The following BMPER variants were observed in gnomAD, a reference collection of about 807,000 sequenced individuals.
BMPER encodes the protein BMP binding endothelial regulator.
BMPER carries 45 observed loss-of-function variants against 87.3 expected under a neutral mutation model. The observed-to-expected ratio is 0.52, with a 90% confidence interval of 0.41 to 0.66. The LOEUF (loss-of-function observed/expected upper bound fraction) is 0.66. Ranked by LOEUF, BMPER falls within the 30% of genes least tolerant of loss-of-function variation. The pLI is 0.00. For missense variants in BMPER, 784 were observed against 867.5 expected (o/e 0.90, Z 1.21); for synonymous variants, 326 against 316.2 (o/e 1.03, Z -0.33).
At chr7:33,909,680 C>CA (rs60327948) in intron 2 of BMPER, among the ~76,000 whole-genome samples, 1,280 of 53,456 alleles carry the variant, frequency 0.024, 14 homozygotes, top group African/African-American at 0.051. Flanking sequence ...ATAACATGTA[C>CA]AAAAAAAAAA....
chr7:34,051,765 T>A (rs1354634813), intron 7 of BMPER, 96 bp from the exon 8 acceptor site: 9 of 1,086,382 alleles, frequency 8.3e-6, no homozygotes, highest in Non-Finnish European at 1.1e-5. Context: ...CGTGGTCTTA[T>A]AAGAATGTAT....
At chr7:34,016,374 A>G (rs1337063776) in intron 6 of BMPER, among the ~76,000 whole-genome samples, 2 of 151,936 alleles carry the variant, frequency 1.3e-5, no homozygotes, top group African/African-American at 4.8e-5. Flanking sequence ...AAATGTTCAA[A>G]TCTACCTGTG....
At chr7:33,974,582 G>A (rs952131492) in intron 5 of BMPER, 120 bp from the exon 6 acceptor site, 1 of 991,450 alleles carries the variant, frequency 1.0e-6, no homozygotes, top group Non-Finnish European at 1.6e-6. Context: ...TTGTCCACTG[G>A]TTGAAGAGGA....
At chr7:34,084,562 A>C (rs190799472) in intron 12 of BMPER, among the ~76,000 whole-genome samples, 2 of 152,350 alleles carry the variant, frequency 1.3e-5, no homozygotes, top group Admixed American at 1.3e-4. Flanking sequence ...ACAGTAAGAA[A>C]ACACACATTT....
rs376759426 is a variant in BMPER at position 34,124,533 on chromosome 7, T to C, written c.1746-18697T>C. Among the ~76,000 whole-genome samples the C allele has an allele frequency of 7.2e-5, 11 of 152,198 alleles. No individual in the cohort carries two copies. The South Asian group carries it at 1.2e-3, about 17-fold the overall frequency. ...GTTTAATGTCTTAAGCAGTTATTGATGGCATATAGGAAAACTGTTTTTATA... is the reference window on the plus strand; with the variant it reads ...GTTTAATGTCTTAAGCAGTTATTGACGGCATATAGGAAAACTGTTTTTATA... On this transcript the variant is annotated intron_variant, in intron 13 of 14. Transcript: ENST00000649409.
In BMPER at chr7:33,905,575, G is replaced by A; in HGVS notation, c.-39G>A. On this transcript the variant is annotated 5_prime_UTR_variant, in exon 1 of 15. Transcript: ENST00000649409. Reference sequence around the variant, plus strand: ...GCGGCAGCTGAGCAGAGGCGGCGGCGCGGGACCTGCAGTCGCCAGGGATTC... The same window carrying A: ...GCGGCAGCTGAGCAGAGGCGGCGGCACGGGACCTGCAGTCGCCAGGGATTC... 2 of 1,606,140 alleles carry A rather than the reference G, an allele frequency of 1.2e-6. No individual in the cohort carries two copies. The highest frequency in any genetic ancestry group is 1.7e-6 in the Non-Finnish European group (2 of 1,179,280).
rs755836457 is a variant in BMPER at position 34,058,057 on chromosome 7, A to T, written c.928-2A>T. The T allele has an allele frequency of 6.2e-7, 1 of 1,613,672 alleles. No individual in the cohort carries two copies. The highest frequency in any genetic ancestry group is 1.1e-5 in the South Asian group (1 of 91,068). On this transcript the variant is annotated splice_acceptor_variant, in intron 9 of 14. Transcript: ENST00000649409. LOFTEE classifies it high-confidence loss of function. ...GACAGGATCCTGTGCCCTCTCTTGT[A>T]GGATGGAGAGATGTGGTCCTCTATC...
intron 11 of BMPER, among the ~76,000 whole-genome samples, chr7:34,071,846 A>G (rs1169645634): frequency 6.6e-6 from 1 of 152,204 alleles, no homozygotes; most frequent in Admixed American, 6.5e-5. Flanking sequence ...TAGCTTATAG[A>G]TAGGTGTTCC....
At chr7:33,994,288 A>G (rs568758838) in intron 6 of BMPER, among the ~76,000 whole-genome samples, 8 of 151,940 alleles carry the variant, frequency 5.3e-5, no homozygotes, top group South Asian at 4.2e-4. Context: ...TGGGCGTAGG[A>G]CCCTCCGAGC....
intron 13 of BMPER, among the ~76,000 whole-genome samples, chr7:34,100,887 C>A (rs1469982460): frequency 6.6e-6 from 1 of 152,148 alleles, no homozygotes; most frequent in Non-Finnish European, 1.5e-5. Context: ...GTCCACACTC[C>A]CCAGCACACA....
rs1420233725 is a variant in BMPER at position 34,078,975 on chromosome 7, G to A, written c.1197G>A (p.Ser399=). The part of the protein sequence containing the change: ...VLTKDCSSPA[S]PFQVLVKNDA... ...CAAAAGACTGCTCCTCCCCTGCCTCGCCCTTCCAGGTGCTGGTGAAGAACG... is the reference window on the plus strand; with the variant it reads ...CAAAAGACTGCTCCTCCCCTGCCTCACCCTTCCAGGTGCTGGTGAAGAACG... The change falls in exon 12 of 15, where the codon TCG becomes TCA. Residue 399 remains serine, a synonymous_variant. Transcript: ENST00000649409. 1.9e-6 allele frequency: 3 copies of A among 1,614,044 alleles called. No homozygotes were observed. The highest frequency in any genetic ancestry group is 2.7e-5 in the African/African-American group (2 of 74,924).
chr7:34,078,366 G>A (rs183685482), intron 11 of BMPER, among the ~76,000 whole-genome samples: 68 of 152,232 alleles, frequency 4.5e-4, no homozygotes, highest in Admixed American at 9.2e-4. Context: ...CACGGGTGTT[G>A]AGTATCAGCT....
intron 13 of BMPER, among the ~76,000 whole-genome samples, chr7:34,127,439 C>T (rs1304484983): frequency 1.3e-5 from 2 of 152,102 alleles, no homozygotes; most frequent in African/African-American, 4.8e-5. Flanking sequence ...TTAGAAGCAG[C>T]CACACTGGCT....
At chr7:34,139,976 C>A (rs1480843921) in intron 13 of BMPER, among the ~76,000 whole-genome samples, 1 of 152,084 alleles carries the variant, frequency 6.6e-6, no homozygotes, top group East Asian at 1.9e-4. Context: ...AGAGTAAGAA[C>A]CTTTCTCTGG....
In BMPER at chr7:34,058,485, T is replaced by C. The variant is rs151066383; in HGVS notation, c.1032+322T>C. 1.3e-3 allele frequency among the ~76,000 whole-genome samples: 205 copies of C among 152,370 alleles called. 1 individual carries two copies. The highest frequency in any genetic ancestry group is 6.8e-3 in the Middle Eastern group (2 of 294). On this transcript the variant is annotated intron_variant, in intron 10 of 14. Transcript: ENST00000649409. ...TTTTGTTTAACATCGTAACTGTCTT[T>C]TGCCTTTTCCTCTTTTCTCTCCCTT...
chr7:34,001,283 A>G (rs1786572953), intron 6 of BMPER, among the ~76,000 whole-genome samples: 1 of 151,876 alleles, frequency 6.6e-6, no homozygotes, highest in Admixed American at 6.6e-5. Flanking sequence ...ATTCAACAGT[A>G]AAGCTACCTG....
chr7:34,134,147 G>C (rs1478892634), intron 13 of BMPER, among the ~76,000 whole-genome samples: 2 of 152,166 alleles, frequency 1.3e-5, no homozygotes, highest in African/African-American at 2.4e-5. Flanking sequence ...TCAGGGGTAG[G>C]TGTTTAGGAT....
chr7:33,920,418 G>GTTTTT (rs879327540), intron 2 of BMPER, among the ~76,000 whole-genome samples: 1,214 of 99,688 alleles, frequency 0.012, 126 homozygotes, highest in East Asian at 0.041. Context: ...AAACTCCGTT[G>GTTTTT]TGTTTTTTTT....
chr7:33,905,798 T>A, intron 1 of BMPER, 52 bp downstream of exon 1: 2 of 756,998 alleles, frequency 2.6e-6, no homozygotes, highest in Non-Finnish European at 3.9e-6. Flanking sequence ...GTTTGGTACC[T>A]GGGAAAGGTG....
Sources: gnomAD v4.1 joint callset for allele counts (sites outside exome capture counted in the v4.1 genomes callset) on GRCh38, gnomAD v4.1.1 for gene constraint, MANE v1.5 for transcripts, NCBI Gene and HGNC (gene_info 2026-07-23, HGNC 2026-07-21) for gene names.